STXBP5L: variants seen among roughly 807,000 people sequenced by gnomAD.
The protein encoded by STXBP5L is syntaxin-binding protein 5-like.
A neutral mutation model predicts 144.5 loss-of-function variants in STXBP5L; 65 were observed. The observed-to-expected ratio is 0.45, with a 90% CI of 0.37 to 0.55. The LOEUF is 0.55. Ranked by LOEUF, STXBP5L falls within the 20% of genes least tolerant of loss-of-function variation. The probability of loss-of-function intolerance (pLI) is 0.00; values close to 1 mark genes in which losing one functional copy is unlikely to be tolerated. For synonymous variants in STXBP5L, 505 were observed against 469.6 expected (o/e 1.08, Z -0.97); for missense variants, 1,298 against 1,405.5 (o/e 0.92, Z 1.22).
intron 3 of STXBP5L, among the ~76,000 whole-genome samples, chr3:121,005,648 T>C (rs1268716409): frequency 2.0e-5 from 3 of 152,218 alleles, no homozygotes; most frequent in Non-Finnish European, 2.9e-5. Flanking sequence ...GATGTTAGGG[T>C]GTCAATTTTG....
At position 121,415,931 on chromosome 3, in the gene STXBP5L, T is replaced by C. The variant is rs202079953; in HGVS notation, c.3189T>C (p.Phe1063=). 30 of 1,613,296 alleles carry C rather than the reference T, an allele frequency of 1.9e-5. No homozygotes were observed. Among genetic ancestry groups the C allele is most frequent in the Non-Finnish European group, 6.8e-6 (8 of 1,179,552 alleles). The stretch of plus-strand genomic sequence containing the variant: ...ACAGAGGCTTTCTCAAGGGACTGTT[T>C]GGTGGAAGCGGACAAACATTTGACA... ...AQNRGFLKGL[F]GGSGQTFDRE... is the part of the protein sequence containing the mutation. Residue 1063 remains phenylalanine, a synonymous_variant, in exon 25 of 27, where the codon TTT becomes TTC. Transcript: ENST00000471454.
chr3:121,219,041 CTA>C (rs1363858670), intron 10 of STXBP5L, among the ~76,000 whole-genome samples: 3 of 152,076 alleles, frequency 2.0e-5, no homozygotes, highest in African/African-American at 7.2e-5. Context: ...AATAATACAA[CTA>C]TGTGTAAATT....
At chr3:121,007,404 G>A (rs1351676693) in intron 3 of STXBP5L, among the ~76,000 whole-genome samples, 1 of 151,744 alleles carries the variant, frequency 6.6e-6, no homozygotes, top group Admixed American at 6.6e-5. Flanking sequence ...AAATTTAATT[G>A]AGAATTATTT....
At chr3:120,975,052 T>G (rs1372709719) in intron 3 of STXBP5L, among the ~76,000 whole-genome samples, 1 of 152,210 alleles carries the variant, frequency 6.6e-6, no homozygotes, top group Non-Finnish European at 1.5e-5. Context: ...GTATGAACTT[T>G]AAAGTAGTTT....
At chr3:121,356,014 G>C (rs546050562) in intron 20 of STXBP5L, among the ~76,000 whole-genome samples, 1 of 152,352 alleles carries the variant, frequency 6.6e-6, no homozygotes. Flanking sequence ...GGTATCACCA[G>C]TGGAGGCTGC....
intron 3 of STXBP5L, among the ~76,000 whole-genome samples, chr3:121,004,924 T>G (rs1048405562): frequency 1.3e-5 from 2 of 152,194 alleles, no homozygotes; most frequent in Admixed American, 6.5e-5. Context: ...GTGGATAAGC[T>G]TTTTGATGTG....
At chr3:121,287,979 A>G (rs1444706029) in intron 19 of STXBP5L, among the ~76,000 whole-genome samples, 1 of 152,224 alleles carries the variant, frequency 6.6e-6, no homozygotes, top group Non-Finnish European at 1.5e-5. Context: ...TGTTGTTTCA[A>G]TGCTAGATCC....
At position 121,279,921 on chromosome 3, in the gene STXBP5L, C is replaced by A; in HGVS notation, c.2075C>A (p.Pro692Gln). 6.2e-7 allele frequency: 1 copy of A among 1,612,270 alleles called. No homozygotes were observed. The highest frequency in any genetic ancestry group is 8.5e-7 in the Non-Finnish European group (1 of 1,178,756). ...YRSSDLYQRQ[P>Q]RSPRKNKQFI... Reference sequence around the variant, plus strand: ...TCAAGTGACTTATACCAGCGACAACCACGGTCTCCTCGAAAAAACAAACAG... The same window carrying A: ...TCAAGTGACTTATACCAGCGACAACAACGGTCTCCTCGAAAAAACAAACAG... The change falls in exon 19 of 27, where the codon CCA becomes CAA. Residue 692 changes from proline to glutamine, a missense_variant. Physicochemically the swap from Pro to Gln is moderately conservative, Grantham distance 76 (BLOSUM62 -1). Coordinates refer to ENST00000471454, the MANE Select transcript of STXBP5L (RefSeq NM_001308330.2).
intron 18 of STXBP5L, among the ~76,000 whole-genome samples, chr3:121,278,624 C>T (rs943143309): frequency 1.3e-5 from 2 of 151,754 alleles, no homozygotes; most frequent in African/African-American, 4.8e-5. Flanking sequence ...ATTCTTTTTG[C>T]ATGGAAAAAT....
intron 6 of STXBP5L, among the ~76,000 whole-genome samples, chr3:121,121,316 T>C (rs1476187628): frequency 6.6e-6 from 1 of 151,320 alleles, no homozygotes; most frequent in Admixed American, 6.6e-5. Context: ...TGTTCTTTTA[T>C]CTATGTAAAT....
intron 5 of STXBP5L, among the ~76,000 whole-genome samples, chr3:121,089,556 T>G (rs1178716213): frequency 6.6e-6 from 1 of 152,052 alleles, no homozygotes; most frequent in Non-Finnish European, 1.5e-5. Flanking sequence ...CTTGTTTTTA[T>G]CTCAGATAAT....
In STXBP5L at chr3:121,321,619, G is replaced by C. The variant is rs143658947; in HGVS notation, c.2176+3079G>C. On this transcript the variant is annotated intron_variant, in intron 20 of 26. Coordinates refer to ENST00000471454, the MANE Select transcript of STXBP5L (RefSeq NM_001308330.2). ...TAGCAAGCTCTTGGCTGATGCTAAG[G>C]CTTCTGGTCTCCAGATCACTTGAGA... is the stretch of plus-strand genomic sequence containing the variant. Among the ~76,000 whole-genome samples the C allele has an allele frequency of 2.7e-3, 415 of 152,220 alleles. 5 individuals carry two copies. Among genetic ancestry groups the C allele is most frequent in the African/African-American group, 9.6e-3 (399 of 41,534 alleles).
chr3:120,993,688 G>A (rs1943110637), intron 3 of STXBP5L, among the ~76,000 whole-genome samples: 1 of 151,922 alleles, frequency 6.6e-6, no homozygotes, highest in African/African-American at 2.4e-5. Context: ...ATATCATGCT[G>A]TTTTGTCTAT....
intron 23 of STXBP5L, among the ~76,000 whole-genome samples, chr3:121,410,321 T>C (rs2047086860): frequency 6.6e-6 from 1 of 152,006 alleles, no homozygotes; most frequent in Non-Finnish European, 1.5e-5. Context: ...TACTTTGATA[T>C]TGTGTCATAG....
chr3:121,060,173 T>C (rs2041195237), intron 5 of STXBP5L, among the ~76,000 whole-genome samples: 1 of 152,218 alleles, frequency 6.6e-6, no homozygotes, highest in Non-Finnish European at 1.5e-5. Flanking sequence ...TGAGTGTTTT[T>C]AGCATGAAAT....
At chr3:121,334,792 G>T (rs1415654187) in intron 20 of STXBP5L, among the ~76,000 whole-genome samples, 1 of 152,046 alleles carries the variant, frequency 6.6e-6, no homozygotes, top group Non-Finnish European at 1.5e-5. Flanking sequence ...CAACATACTA[G>T]GTAATGAAGG....
At chr3:120,913,832 G>C (rs1708975216) in intron 2 of STXBP5L, among the ~76,000 whole-genome samples, 1 of 151,986 alleles carries the variant, frequency 6.6e-6, no homozygotes, top group African/African-American at 2.4e-5. Context: ...ATAGAATGGT[G>C]CCTGGCCCAT....
chr3:121,213,009 T>C (rs1420730936), intron 10 of STXBP5L, among the ~76,000 whole-genome samples: 1 of 152,178 alleles, frequency 6.6e-6, no homozygotes, highest in Non-Finnish European at 1.5e-5. Context: ...GATTTGGCTC[T>C]CTGTCTGTTA....
chr3:121,096,962 G>T (rs559759641), intron 5 of STXBP5L, among the ~76,000 whole-genome samples: 1 of 152,286 alleles, frequency 6.6e-6, no homozygotes, highest in Admixed American at 6.5e-5. Context: ...CTTCCCCGAG[G>T]TGCTCTGTCC....
Sources: gnomAD v4.1 joint callset for allele counts (sites outside exome capture counted in the v4.1 genomes callset) on GRCh38, gnomAD v4.1.1 for gene constraint, MANE v1.5 for transcripts, NCBI Gene and HGNC (gene_info 2026-07-23, HGNC 2026-07-21) for gene names.